The following CSMD1 variants were observed in gnomAD, a reference collection of about 807,000 sequenced individuals.
CSMD1 encodes the protein CUB and sushi domain-containing protein 1.
A neutral mutation model predicts 417.5 loss-of-function variants in CSMD1; 213 were observed. The ratio of observed to expected loss-of-function variants is 0.51; its 90% CI spans 0.46 to 0.57. CSMD1 has a LOEUF of 0.57. Among genes scored for constraint, CSMD1 ranks in the 20% least tolerant of loss-of-function variants. CSMD1 has a pLI of 0.00. For missense variants in CSMD1, 6,923 were observed against 4,529.7 expected, an observed-to-expected ratio of 1.53 and a Z score of -15.17; for synonymous variants, 2,862 against 1,736.8, an observed-to-expected ratio of 1.65 and a Z score of -16.11.
intron 6 of CSMD1, among the ~76,000 whole-genome samples, chr8:3,721,306 G>C (rs573320966): frequency 6.6e-6 from 1 of 152,124 alleles, no homozygotes; most frequent in Non-Finnish European, 1.5e-5. Flanking sequence ...CCACATATTC[G>C]GGTGTGTAAG....
chr8:4,170,032 A>G (rs1467386989), intron 3 of CSMD1, among the ~76,000 whole-genome samples: 1 of 151,840 alleles, frequency 6.6e-6, no homozygotes, highest in Non-Finnish European at 1.5e-5. Context: ...AAGAGATTAA[A>G]TAATTATTTG....
intron 42 of CSMD1, among the ~76,000 whole-genome samples, chr8:3,115,488 C>T (rs1321085907): frequency 6.6e-6 from 1 of 152,186 alleles, no homozygotes; most frequent in Non-Finnish European, 1.5e-5. Flanking sequence ...AGGCGTGAGC[C>T]ACTGTGCCCG....
intron 1 of CSMD1, among the ~76,000 whole-genome samples, chr8:4,789,173 T>C (rs1331252298): frequency 6.6e-6 from 1 of 152,220 alleles, no homozygotes; most frequent in Non-Finnish European, 1.5e-5. Context: ...TTCAGATGAA[T>C]GCTTTGTGCT....
At chr8:3,550,146 C>G (rs1439487581) in intron 10 of CSMD1, among the ~76,000 whole-genome samples, 1 of 152,146 alleles carries the variant, frequency 6.6e-6, no homozygotes, top group East Asian at 1.9e-4. Context: ...CACGTGGCCT[C>G]AAAATCTAGG....
chr8:4,088,307 A>G (rs1287218989), intron 3 of CSMD1, among the ~76,000 whole-genome samples: 6 of 152,218 alleles, frequency 3.9e-5, no homozygotes, highest in Admixed American at 3.9e-4. Context: ...CAGCCTGCAA[A>G]GCTAGAGTTC....
intron 26 of CSMD1, 23 bp from the exon 27 acceptor site, chr8:3,230,254 G>T (rs1202082586): frequency 6.5e-7 from 1 of 1,531,902 alleles, no homozygotes; most frequent in South Asian, 1.3e-5. Context: ...GAGAAGGCAA[G>T]GTCACAGGCT....
intron 7 of CSMD1, among the ~76,000 whole-genome samples, chr8:3,628,826 C>T (rs1333497791): frequency 6.6e-6 from 1 of 152,092 alleles, no homozygotes; most frequent in African/African-American, 2.4e-5. Flanking sequence ...GAACTCTCAT[C>T]TCTCTCTTTC....
At chr8:3,772,865 G>C (rs943378681) in intron 5 of CSMD1, among the ~76,000 whole-genome samples, 2 of 151,952 alleles carry the variant, frequency 1.3e-5, no homozygotes, top group African/African-American at 2.4e-5. Context: ...CACATCCTTA[G>C]TGCATTCAGG....
intron 5 of CSMD1, among the ~76,000 whole-genome samples, chr8:3,981,834 G>A (rs540069558): frequency 7.2e-5 from 11 of 152,272 alleles, no homozygotes; most frequent in African/African-American, 2.2e-4. Context: ...GAGTCAGCAG[G>A]AGGGCGTGCA....
At chr8:3,252,736 C>T (rs574469185) in intron 26 of CSMD1, among the ~76,000 whole-genome samples, 3 of 152,182 alleles carry the variant, frequency 2.0e-5, no homozygotes, top group Non-Finnish European at 2.9e-5. Context: ...GCCTCAATTT[C>T]AGAGCCTGTT....
chr8:4,395,810 C>T (rs907993241), intron 3 of CSMD1, among the ~76,000 whole-genome samples: 2 of 151,986 alleles, frequency 1.3e-5, no homozygotes, highest in African/African-American at 4.8e-5. Flanking sequence ...TGCATGTGAA[C>T]CCTCAAAGTA....
intron 3 of CSMD1, among the ~76,000 whole-genome samples, chr8:4,151,303 T>C (rs1796558923): frequency 6.6e-6 from 1 of 152,216 alleles, no homozygotes; most frequent in African/African-American, 2.4e-5. Flanking sequence ...TTTGCCTTGT[T>C]ATAGATCCTA....
At chr8:4,302,371 G>T (rs147591861) in intron 3 of CSMD1, among the ~76,000 whole-genome samples, 1 of 152,076 alleles carries the variant, frequency 6.6e-6, no homozygotes, top group Non-Finnish European at 1.5e-5. Flanking sequence ...GTATCAAGGG[G>T]TTATACTATT....
At chr8:3,415,255 T>G (rs55642600) in intron 12 of CSMD1, among the ~76,000 whole-genome samples, 8,435 of 152,316 alleles carry the variant, frequency 0.055, 305 homozygotes, top group East Asian at 0.16. Flanking sequence ...CTTCTGATTT[T>G]TTTCTTGAGA....
At chr8:3,820,304 G>A (rs9694830) in intron 5 of CSMD1, among the ~76,000 whole-genome samples, 3,796 of 152,192 alleles carry the variant, frequency 0.025, 166 homozygotes, top group African/African-American at 0.085. Context: ...CTCAGAAGAG[G>A]ACACAGTAGT....
intron 5 of CSMD1, among the ~76,000 whole-genome samples, chr8:3,918,466 A>G (rs1013393874): frequency 1.1e-4 from 16 of 152,088 alleles, no homozygotes; most frequent in African/African-American, 2.9e-4. Context: ...ACCTTTTTAT[A>G]TACCTGTTGG....
chr8:3,860,280 G>T (rs1804610154), intron 5 of CSMD1, among the ~76,000 whole-genome samples: 1 of 152,082 alleles, frequency 6.6e-6, no homozygotes, highest in Non-Finnish European at 1.5e-5. Context: ...TGAGAACTCT[G>T]CCCTTGGGAA....
chr8:4,628,889 C>T (rs1417271683), intron 2 of CSMD1, among the ~76,000 whole-genome samples: 1 of 152,058 alleles, frequency 6.6e-6, no homozygotes, highest in African/African-American at 2.4e-5. Context: ...TTTTTACACG[C>T]CTTTTATTAA....
intron 3 of CSMD1, among the ~76,000 whole-genome samples, chr8:4,237,414 G>GT (rs1323684356): frequency 2.6e-5 from 4 of 152,120 alleles, no homozygotes; most frequent in South Asian, 2.1e-4. Context: ...CACCCAGGCA[G>GT]TTTTTTGTGA....
Sources: gnomAD v4.1 joint callset for allele counts (sites outside exome capture counted in the v4.1 genomes callset) on GRCh38, gnomAD v4.1.1 for gene constraint, MANE v1.5 for transcripts, NCBI Gene and HGNC (gene_info 2026-07-23, HGNC 2026-07-21) for gene names.